ELP2: variants seen among roughly 807,000 people sequenced by gnomAD.
ELP2 encodes elongator complex protein 2.
A neutral mutation model predicts 119.2 loss-of-function variants in ELP2; 90 were observed. That is an observed-to-expected ratio of 0.75 (90% CI 0.64 to 0.90). ELP2 has a LOEUF of 0.90. ELP2 is among the 40% of genes least tolerant of loss of function. ELP2 has a pLI of 0.00. For synonymous variants in ELP2, 339 were observed against 331.0 expected, an observed-to-expected ratio of 1.02 and a Z score of -0.26; for missense variants, 921 against 967.8, an observed-to-expected ratio of 0.95 and a Z score of 0.64.
chr18:36,168,939 TTTG>T (rs2090991811), intron 19 of ELP2, among the ~76,000 whole-genome samples: 1 of 48,128 alleles, frequency 2.1e-5, no homozygotes, highest in Non-Finnish European at 4.6e-5. Context: ...TTTTTTTTTT[TTTG>T]AGATGGAGTT....
At position 36,159,999 on chromosome 18, in the gene ELP2, C is replaced by G; in HGVS notation, c.1672C>G (p.Pro558Ala). The change falls in exon 16 of 22, where the codon CCT becomes GCT. Residue 558 changes from proline to alanine, a missense_variant. Physicochemically the swap from Pro to Ala is conservative, Grantham distance 27. Coordinates refer to ENST00000358232, the MANE Select transcript of ELP2 (RefSeq NM_018255.4). ...EDHLLQNTLWPEVQKLYGHGY... is the reference protein window; with the variant it reads ...EDHLLQNTLWAEVQKLYGHGY... ...TCATCTTCTGCAGAATACTTTGTGG[C>G]CTGAAGTTCAAAAACTGTAAGTTAA... The G allele has an allele frequency of 3.7e-6, 6 of 1,613,952 alleles. No homozygotes were observed. The highest frequency in any genetic ancestry group is 5.1e-6 in the Non-Finnish European group (6 of 1,179,982).
intron 11 of ELP2, among the ~76,000 whole-genome samples, chr18:36,148,208 C>T (rs1045722016): frequency 4.0e-4 from 61 of 152,074 alleles, no homozygotes; most frequent in African/African-American, 1.4e-3. Flanking sequence ...ATTCTCCTGC[C>T]TCAGCCTCCT....
At position 36,160,014 on chromosome 18, in the gene ELP2, CT is replaced by C. The variant is rs771716021; in HGVS notation, c.1688del (p.Leu563HisfsTer48). ...QNTLWPEVQK[L>X]YGHGYEIFCV... Reference sequence around the variant, plus strand: ...TACTTTGTGGCCTGAAGTTCAAAAACTGTAAGTTAAACTGTATTTAGCTCTT... The same window carrying C: ...TACTTTGTGGCCTGAAGTTCAAAAACGTAAGTTAAACTGTATTTAGCTCTT... On this transcript the variant is annotated frameshift_variant and splice_region_variant, in exon 16 of 22. Coordinates refer to ENST00000358232, the MANE Select transcript of ELP2 (RefSeq NM_018255.4). LOFTEE classifies it high-confidence loss of function. 6.2e-7 allele frequency: 1 copy of C among 1,613,780 alleles called. No individual in the cohort carries two copies. The highest frequency in any genetic ancestry group is 1.7e-5 in the Admixed American group (1 of 59,998).
chr18:36,166,481 C>T (rs1000396882), intron 18 of ELP2, among the ~76,000 whole-genome samples: 1 of 151,646 alleles, frequency 6.6e-6, no homozygotes, highest in African/African-American at 2.4e-5. Context: ...AAGGCACCTG[C>T]TACCACACCT....
intron 2 of ELP2, among the ~76,000 whole-genome samples, chr18:36,134,930 A>G (rs1263511729): frequency 6.6e-6 from 1 of 152,212 alleles, no homozygotes; most frequent in African/African-American, 2.4e-5. Flanking sequence ...AATTTTCTGA[A>G]TTATTAAGAC....
At chr18:36,141,405 G>C in intron 6 of ELP2, 1 of 582,002 alleles carries the variant, frequency 1.7e-6, no homozygotes, top group South Asian at 1.9e-5. Flanking sequence ...CAGGCTCAGA[G>C]TTGTTAGGGG....
rs187150089 is a variant in ELP2, at chr18:36,147,323, C to T, written c.1125+942C>T. 8.5e-5 allele frequency among the ~76,000 whole-genome samples: 13 copies of T among 152,112 alleles called. No homozygotes were observed. In the East Asian group the frequency reaches 1.3e-3, roughly 16 times the overall value. ...AACTCCTGGCTTCAAGTGATCCTCC[C>T]GCCTCAGTCTCCCAAAGTGCTGGGA... On this transcript the variant is annotated intron_variant, in intron 11 of 21. Coordinates refer to ENST00000358232, the MANE Select transcript of ELP2 (RefSeq NM_018255.4).
chr18:36,140,731 T>C (rs954933426), intron 5 of ELP2, among the ~76,000 whole-genome samples: 4 of 152,210 alleles, frequency 2.6e-5, no homozygotes, highest in African/African-American at 9.7e-5. Flanking sequence ...AAACATACCC[T>C]TAAATCTGTG....
At chr18:36,147,140 C>G (rs923952484) in intron 11 of ELP2, among the ~76,000 whole-genome samples, 1 of 139,722 alleles carries the variant, frequency 7.2e-6, no homozygotes, top group African/African-American at 2.7e-5. Context: ...CAGGTGTGAT[C>G]ATAGCTCACT....
Position 36,174,620 on chromosome 18 carries a change from A to G in ELP2, c.2460A>G (p.Arg820=). 1.2e-6 allele frequency: 2 copies of G among 1,614,164 alleles called. No individual in the cohort carries two copies. Among genetic ancestry groups the G allele is most frequent in the Non-Finnish European group, 8.5e-7 (1 of 1,180,010 alleles). ...AAGATCACACTGTGAAGATACACAG[A>G]GTCAATAAATGTGCACTGTAATGGA... ...CGEDHTVKIH[R]VNKCAL The change falls in exon 22 of 22, where the codon AGA becomes AGG. Residue 820 remains arginine, a synonymous_variant. Coordinates refer to ENST00000358232, the MANE Select transcript of ELP2 (RefSeq NM_018255.4).
rs117644908 is a variant in ELP2 at position 36,131,701 on chromosome 18, G to A, written c.139-1537G>A. On this transcript the variant is annotated intron_variant, in intron 1 of 21. Transcript: ENST00000358232. The stretch of plus-strand genomic sequence containing the variant: ...GCCGCTATATCACAGGACAAGATCT[G>A]CTTTTAAGATGATTATACTCATGCT... 3.9e-3 allele frequency among the ~76,000 whole-genome samples: 591 copies of A among 152,304 alleles called. 7 individuals carry two copies. Among genetic ancestry groups the A allele is most frequent in the African/African-American group, 0.013 (560 of 41,554 alleles).
chr18:36,146,443 GTA>G, intron 11 of ELP2, 62 bp downstream of exon 11: 1 of 1,574,334 alleles, frequency 6.4e-7, no homozygotes, highest in Admixed American at 1.7e-5. Flanking sequence ...TAGGTAAATA[GTA>G]TTTTGCTTAT....
In ELP2 at chr18:36,170,137, G is replaced by T; in HGVS notation, c.2151G>T (p.Leu717=). 6.2e-7 allele frequency: 1 copy of T among 1,614,080 alleles called. No homozygotes were observed. Among genetic ancestry groups the T allele is most frequent in the Non-Finnish European group, 8.5e-7 (1 of 1,179,998 alleles). ...ACATTGGCCCCTGCTCCTCAGTCCT[G>T]GACGTGGGTGGGGCTGTGACAGCTG... ...EHNIGPCSSV[L]DVGGAVTAVS... The change falls in exon 20 of 22, where the codon CTG becomes CTT. Residue 717 remains leucine, a synonymous_variant. Coordinates refer to ENST00000358232, the MANE Select transcript of ELP2 (RefSeq NM_018255.4).
chr18:36,141,754 G>A (rs1598752074), intron 6 of ELP2, among the ~76,000 whole-genome samples: 1 of 150,074 alleles, frequency 6.7e-6, no homozygotes, highest in African/African-American at 2.5e-5. Flanking sequence ...GCAGTGGTGA[G>A]AACATGCGTC....
chr18:36,174,791 G>T lies in ELP2; in HGVS notation c.*150G>T. 3 of 699,478 alleles carry T rather than the reference G, an allele frequency of 4.3e-6. No individual in the cohort carries two copies. Among genetic ancestry groups the T allele is most frequent in the Non-Finnish European group, 7.1e-6 (3 of 420,064 alleles). The allele number at this position is 699,478 out of a possible 1,614,324, so 43.3% of individuals were successfully genotyped here. ...GCTTTGTCACAACCTCCACCTCCCA[G>T]GTTCAAGCGATTCTCTTTCTTCAGC... On this transcript the variant is annotated 3_prime_UTR_variant, in exon 22 of 22. Transcript: ENST00000358232.
At chr18:36,143,157 G>T (rs1032053000) in intron 8 of ELP2, among the ~76,000 whole-genome samples, 191 bp downstream of exon 8, 1 of 150,604 alleles carries the variant, frequency 6.6e-6, no homozygotes, top group African/African-American at 2.4e-5. Context: ...GTGCAGTGGC[G>T]TGAGCTTGGC....
At chr18:36,143,240 C>T (rs1039267605) in intron 8 of ELP2, among the ~76,000 whole-genome samples, 2 of 152,006 alleles carry the variant, frequency 1.3e-5, no homozygotes, top group East Asian at 1.9e-4. Flanking sequence ...CTGCCTCAGC[C>T]TTCCAAGTAG....
intron 1 of ELP2, among the ~76,000 whole-genome samples, chr18:36,131,175 A>G (rs191743812): frequency 6.6e-6 from 1 of 152,322 alleles, no homozygotes; most frequent in African/African-American, 2.4e-5. Context: ...CCCTATCTCA[A>G]AAAAACATTA....
chr18:36,180,405 GAAC>G lies in ELP2; in HGVS notation c.*5769_*5771del, dbSNP rs1399285593. 11 of 152,320 alleles carry G rather than the reference GAAC, an allele frequency of 7.2e-5. No homozygotes were observed. The highest frequency in any genetic ancestry group is 3.3e-4 in the Admixed American group (5 of 15,298). The allele number at this position is 152,320 out of a possible 1,614,324, so 9.4% of individuals were successfully genotyped here. A position where few individuals can be genotyped will look rare whatever the true frequency, so the allele number is the denominator to read the frequency against. On this transcript the variant is annotated 3_prime_UTR_variant, in exon 22 of 22. Transcript: ENST00000358232. ...GGTGCTTCATTCTGGAAGAAAGGGA[GAAC>G]AACAGTAACCAGTGTGTAGGATTGT...
Sources: gnomAD v4.1 joint callset for allele counts (sites outside exome capture counted in the v4.1 genomes callset) on GRCh38, gnomAD v4.1.1 for gene constraint, MANE v1.5 for transcripts, NCBI Gene and HGNC (gene_info 2026-07-23, HGNC 2026-07-21) for gene names.